The following SIN3B variants were observed in gnomAD, a reference collection of about 807,000 sequenced individuals.
SIN3B encodes the protein paired amphipathic helix protein Sin3b.
Under a neutral mutation model 120.2 loss-of-function variants are expected in SIN3B, and 19 were observed. That is an observed-to-expected ratio of 0.16 (90% CI 0.11 to 0.23). The LOEUF is 0.23. SIN3B is among the 10% of genes least tolerant of loss of function. SIN3B has a pLI of 1.00. For synonymous variants in SIN3B, 654 were observed against 653.2 expected (o/e 1.00, Z -0.02); for missense variants, 1,073 against 1,573.0 (o/e 0.68, Z 5.38).
At chr19:16,853,275 G>A in intron 7 of SIN3B, 117 bp downstream of exon 7, 1 of 889,826 alleles carries the variant, frequency 1.1e-6, no homozygotes, top group Non-Finnish European at 1.8e-6. Context: ...TGCAGTCTGA[G>A]GATGGATCCG....
At chr19:16,850,786 A>T (rs1298483637) in intron 5 of SIN3B, among the ~76,000 whole-genome samples, 1 of 152,082 alleles carries the variant, frequency 6.6e-6, no homozygotes, top group Non-Finnish European at 1.5e-5. Flanking sequence ...GTTCTTTGTA[A>T]ATGTCATTGG....
intron 6 of SIN3B, among the ~76,000 whole-genome samples, chr19:16,851,900 G>A (rs931455522): frequency 6.6e-6 from 1 of 152,210 alleles, no homozygotes; most frequent in Non-Finnish European, 1.5e-5. Context: ...GGCAGAGAGG[G>A]GCTGGGATCC....
chr19:16,833,539 T>G (rs1971306251), intron 3 of SIN3B, among the ~76,000 whole-genome samples: 1 of 150,938 alleles, frequency 6.6e-6, no homozygotes. Flanking sequence ...GGCTGAGGCA[T>G]GAGAATTGCT....
At chr19:16,856,018 C>G (rs1971610149) in intron 8 of SIN3B, among the ~76,000 whole-genome samples, 1 of 152,040 alleles carries the variant, frequency 6.6e-6, no homozygotes, top group South Asian at 2.1e-4. Context: ...GATCACGCCA[C>G]TGTCCTCTAG....
At chr19:16,868,343 C>T (rs1971807114) in intron 12 of SIN3B, among the ~76,000 whole-genome samples, 1 of 152,142 alleles carries the variant, frequency 6.6e-6, no homozygotes, top group Admixed American at 6.6e-5. Flanking sequence ...TGCTAGGAGA[C>T]CCGGTCCTTC....
At chr19:16,875,534 CTGTT>C (rs1407060309) in intron 14 of SIN3B, among the ~76,000 whole-genome samples, 2 of 119,268 alleles carry the variant, frequency 1.7e-5, no homozygotes, top group Admixed American at 9.3e-5. Flanking sequence ...CTGGTCTGGT[CTGTT>C]TGGTCTGGTC....
chr19:16,842,343 C>T (rs1280998991), intron 4 of SIN3B, among the ~76,000 whole-genome samples: 1 of 151,804 alleles, frequency 6.6e-6, no homozygotes, highest in Non-Finnish European at 1.5e-5. Flanking sequence ...ACTCAAACGA[C>T]CCATCCACCT....
rs762525766 is a variant in SIN3B, at chr19:16,869,477, G to C, written c.1824G>C (p.Ser608=). Residue 608 remains serine, a synonymous_variant, in exon 13 of 19, where the codon TCG becomes TCC. Transcript: ENST00000248054. The stretch of plus-strand genomic sequence containing the variant: ...CCCCACAGCACCAGGAGCAGCACTC[G>C]GAGGGCCGCAGTGCCCCCTCTAGCG... The part of the protein sequence containing the change: ...SVYDEHQEQH[S]EGRSAPSSEP... 2.5e-6 allele frequency: 4 copies of C among 1,609,210 alleles called. No homozygotes were observed. The highest frequency in any genetic ancestry group is 3.3e-5 in the Admixed American group (2 of 59,900).
Position 16,878,911 on chromosome 19 carries a change from T to TATGTGTATACAC in SIN3B, c.*184_*185insATGTGTATACAC. 1.6e-6 allele frequency: 1 copy of TATGTGTATACAC among 617,102 alleles called. No individual in the cohort carries two copies. The highest frequency in any genetic ancestry group is 2.8e-6 in the Non-Finnish European group (1 of 358,574). 38.2% of individuals were successfully genotyped at this position (617,102 alleles called of 1,614,324 possible). A position where few individuals can be genotyped will look rare whatever the true frequency, so the allele number is the denominator to read the frequency against. ...CCCGGTCTCCTGTGGGCCTGCTGTG[T>TATGTGTATACAC]GCCAAACCTGAGCTACCTGCACCCG... On this transcript the variant is annotated 3_prime_UTR_variant, in exon 19 of 19. Transcript: ENST00000248054.
intron 2 of SIN3B, 41 bp downstream of exon 2, chr19:16,829,938 G>A (rs758219782): frequency 7.0e-7 from 1 of 1,436,108 alleles, no homozygotes. Context: ...GACCCCCCTG[G>A]GCCGGAATCG....
At chr19:16,844,773 T>C (rs1366074488) in intron 4 of SIN3B, among the ~76,000 whole-genome samples, 1 of 152,132 alleles carries the variant, frequency 6.6e-6, no homozygotes, top group Non-Finnish European at 1.5e-5. Context: ...CCACAGCAAA[T>C]CGGGTACTGA....
intron 14 of SIN3B, among the ~76,000 whole-genome samples, chr19:16,872,004 G>A (rs1168648446): frequency 6.6e-6 from 1 of 152,110 alleles, no homozygotes; most frequent in Non-Finnish European, 1.5e-5. Context: ...GGTTTTAGTA[G>A]TAGCAAAAAC....
In SIN3B at chr19:16,876,368, A is replaced by C; in HGVS notation, c.2767-118A>C. On this transcript the variant is annotated intron_variant, in intron 15 of 18. Transcript: ENST00000248054. The surrounding 1 kb of genome is among the most constrained non-coding windows in gnomAD (Gnocchi z 7.1). ...AGCCCATGAGGTACCTTTGACCTGCAGGAAGCATCAGGGCTTTGGGAGGGT... is the reference window on the plus strand; with the variant it reads ...AGCCCATGAGGTACCTTTGACCTGCCGGAAGCATCAGGGCTTTGGGAGGGT... The C allele has an allele frequency of 7.3e-6, 10 of 1,376,674 alleles. No homozygotes were observed. The highest frequency in any genetic ancestry group is 1.0e-5 in the Non-Finnish European group (10 of 1,002,338). 85.3% of individuals were successfully genotyped at this position (1,376,674 alleles called of 1,614,324 possible).
At chr19:16,866,579 C>T (rs776439278) in intron 12 of SIN3B, 23 bp downstream of exon 12, 26 of 1,611,160 alleles carry the variant, frequency 1.6e-5, no homozygotes, top group South Asian at 4.4e-5. Flanking sequence ...CTAGCCCTGC[C>T]GGCCGGTGGG....
At chr19:16,841,735 G>A (rs371778007) in intron 3 of SIN3B, 33 bp from the exon 4 acceptor site, 11 of 1,596,406 alleles carry the variant, frequency 6.9e-6, no homozygotes, top group African/African-American at 2.7e-5. Flanking sequence ...TTCCAGTGTC[G>A]GGCCTGGCAG....
At chr19:16,870,907 T>G (rs112183839) in intron 13 of SIN3B, among the ~76,000 whole-genome samples, 2 of 151,222 alleles carry the variant, frequency 1.3e-5, no homozygotes, top group Non-Finnish European at 3.0e-5. Flanking sequence ...GCCAACCTGG[T>G]CTCAAACTCC....
At chr19:16,833,152 G>T (rs962421832) in intron 3 of SIN3B, among the ~76,000 whole-genome samples, 3 of 152,172 alleles carry the variant, frequency 2.0e-5, no homozygotes, top group African/African-American at 7.2e-5. Flanking sequence ...TCCTTGCCTC[G>T]AGAGTTTTAG....
Position 16,876,151 on chromosome 19 carries a change from C to T in SIN3B, c.2689C>T (p.Arg897Cys), listed in dbSNP as rs200429230. The T allele has an allele frequency of 2.7e-5, 44 of 1,612,198 alleles. No homozygotes were observed. The highest frequency in any genetic ancestry group is 1.8e-4 in the East Asian group (8 of 44,830). The change falls in exon 15 of 19, where the codon CGC (arginine) becomes TGC (cysteine). Residue 897 changes from arginine (R) to cysteine (C), a missense_variant. Coordinates refer to ENST00000248054, the MANE Select transcript of SIN3B (RefSeq NM_001297595.2). This position sits in a 1 kb window ranked among gnomAD's most constrained non-coding sequence, Gnocchi z 7.1. ...TGCCGCTGGTGGGAACCTGTCCTCC[C>T]GCTGCGTCCGCGCTGCTAGGGAGAC... is the stretch of plus-strand genomic sequence containing the variant. ...RGAAGGNLSS[R>C]CVRAARETSY...
rs183450347 is a variant in SIN3B at position 16,867,711 on chromosome 19, G to A, written c.1806+1155G>A. Among the ~76,000 whole-genome samples, 1,386 of 152,252 alleles carry A rather than the reference G, an allele frequency of 9.1e-3. 18 individuals are homozygous for A. Among genetic ancestry groups the A allele is most frequent in the African/African-American group, 0.032 (1,321 of 41,530 alleles). On this transcript the variant is annotated intron_variant, in intron 12 of 18. Coordinates refer to ENST00000248054, the MANE Select transcript of SIN3B (RefSeq NM_001297595.2). ...GCTCCTTCTTTTACAACACAGAAACGGAATCCACAGGAGCCGGGCTGCTGG... is the reference window on the plus strand; with the variant it reads ...GCTCCTTCTTTTACAACACAGAAACAGAATCCACAGGAGCCGGGCTGCTGG...
Sources: allele counts gnomAD v4.1 joint callset (sites outside exome capture counted in the v4.1 genomes callset), GRCh38; gene constraint gnomAD v4.1.1; non-coding constraint Gnocchi (gnomAD v3.1); transcripts MANE v1.5; gene names NCBI Gene and HGNC (gene_info 2026-07-23, HGNC 2026-07-21).